CCBE1: variants seen among roughly 807,000 people sequenced by gnomAD.
The protein encoded by CCBE1 is collagen and calcium-binding EGF domain-containing protein 1.
In CCBE1, 37 loss-of-function variants were observed where a neutral mutation model predicts 50.0. That is an observed-to-expected ratio of 0.74 (90% CI 0.57 to 0.97). CCBE1 has a LOEUF of 0.97. CCBE1 is among the 50% of genes least tolerant of loss of function. The pLI, the probability that CCBE1 is intolerant of heterozygous loss-of-function variation, is 0.00. For missense variants in CCBE1, 538 were observed against 523.8 expected (o/e 1.03, Z -0.26); for synonymous variants, 234 against 203.7 (o/e 1.15, Z -1.27).
At chr18:59,616,980 G>C (rs145755876) in intron 2 of CCBE1, among the ~76,000 whole-genome samples, 1 of 152,114 alleles carries the variant, frequency 6.6e-6, no homozygotes. Flanking sequence ...ATGAGCCACC[G>C]ACTCTCAGCC....
At position 59,479,195 on chromosome 18, in the gene CCBE1, A is replaced by G. The variant is rs547896968; in HGVS notation, c.265+991T>C. Among the ~76,000 whole-genome samples, 9 of 152,290 alleles carry G rather than the reference A, an allele frequency of 5.9e-5. No homozygotes were observed. The South Asian group carries it at 1.5e-3, about 25-fold the overall frequency. Reference sequence around the variant, plus strand: ...CCCACCCACCTCACCCTAGCCCTGAACAAGCTTAACCTCATGCCCTTCAAA... The same window carrying G: ...CCCACCCACCTCACCCTAGCCCTGAGCAAGCTTAACCTCATGCCCTTCAAA... On this transcript the variant is annotated intron_variant, in intron 3 of 10. Coordinates refer to ENST00000439986, the MANE Select transcript of CCBE1 (RefSeq NM_133459.4).
At chr18:59,461,729 CTTTTTTT>C (rs36013463) in intron 5 of CCBE1, among the ~76,000 whole-genome samples, 1 of 109,338 alleles carries the variant, frequency 9.1e-6, no homozygotes, top group Non-Finnish European at 1.7e-5. Context: ...CAGGTGTAAT[CTTTTTTT>C]TTTTTTTTTT....
intron 5 of CCBE1, among the ~76,000 whole-genome samples, chr18:59,455,821 C>T (rs1911166413): frequency 1.3e-5 from 2 of 152,182 alleles, no homozygotes; most frequent in African/African-American, 2.4e-5. Context: ...TTTGTTCAGG[C>T]AGGCAGGACA....
intron 2 of CCBE1, among the ~76,000 whole-genome samples, chr18:59,546,876 G>A (rs1259831802): frequency 1.3e-5 from 2 of 152,014 alleles, no homozygotes; most frequent in Non-Finnish European, 2.9e-5. Context: ...CCAATCTGTG[G>A]AGCTTGGCCA....
intron 2 of CCBE1, among the ~76,000 whole-genome samples, chr18:59,635,637 A>G (rs1434479452): frequency 1.3e-5 from 2 of 152,218 alleles, no homozygotes; most frequent in African/African-American, 4.8e-5. Context: ...ATTTGTGAAC[A>G]ATAGACATGA....
At chr18:59,531,825 C>G (rs1915063756) in intron 2 of CCBE1, among the ~76,000 whole-genome samples, 1 of 152,122 alleles carries the variant, frequency 6.6e-6, no homozygotes, top group African/African-American at 2.4e-5. Flanking sequence ...TAAGTGCTTT[C>G]TAGAATCTAC....
At chr18:59,602,707 T>G (rs746404966) in intron 2 of CCBE1, among the ~76,000 whole-genome samples, 1 of 152,122 alleles carries the variant, frequency 6.6e-6, no homozygotes, top group Non-Finnish European at 1.5e-5. Flanking sequence ...CCTTGAGGCA[T>G]GAGTAGGACT....
intron 2 of CCBE1, among the ~76,000 whole-genome samples, chr18:59,695,631 C>T (rs2054794792): frequency 6.6e-6 from 1 of 152,216 alleles, no homozygotes; most frequent in Non-Finnish European, 1.5e-5. Flanking sequence ...CTCTCACCTG[C>T]AAGAAACGCT....
intron 2 of CCBE1, among the ~76,000 whole-genome samples, chr18:59,622,985 CAA>C (rs1188848403): frequency 2.0e-5 from 3 of 151,954 alleles, no homozygotes; most frequent in Non-Finnish European, 2.9e-5. Flanking sequence ...CATACAGTGA[CAA>C]GAGTGAAAAC....
intron 2 of CCBE1, among the ~76,000 whole-genome samples, chr18:59,506,999 G>A (rs1007658003): frequency 2.0e-5 from 3 of 151,962 alleles, no homozygotes; most frequent in African/African-American, 7.3e-5. Flanking sequence ...CTGTCTCCAT[G>A]CTCAGCCTTC....
chr18:59,587,759 C>A (rs1472567660), intron 2 of CCBE1, among the ~76,000 whole-genome samples: 1 of 152,150 alleles, frequency 6.6e-6, no homozygotes, highest in Non-Finnish European at 1.5e-5. Flanking sequence ...ATCTTAATCA[C>A]AGATAAGATT....
intron 2 of CCBE1, among the ~76,000 whole-genome samples, chr18:59,565,699 GCCCTGTGCAAAAACCCAGA>G (rs1232547495): frequency 6.6e-6 from 1 of 151,988 alleles, no homozygotes; most frequent in Non-Finnish European, 1.5e-5. Flanking sequence ...TAAGCATCAG[GCCCTGTGCAAAAACCCAGA>G]CCCTGTAGCT....
intron 2 of CCBE1, among the ~76,000 whole-genome samples, chr18:59,582,123 T>C (rs1036076488): frequency 1.3e-5 from 2 of 152,324 alleles, no homozygotes; most frequent in South Asian, 4.1e-4. Context: ...AGGGTGCTCC[T>C]GTACCCTCCG....
chr18:59,473,147 C>T (rs1424150056), intron 3 of CCBE1, among the ~76,000 whole-genome samples: 1 of 152,174 alleles, frequency 6.6e-6, no homozygotes, highest in Non-Finnish European at 1.5e-5. Context: ...TCTCCATTGG[C>T]TTCCTGAAAA....
chr18:59,532,479 T>C (rs188163443), intron 2 of CCBE1, among the ~76,000 whole-genome samples: 14 of 152,326 alleles, frequency 9.2e-5, no homozygotes, highest in African/African-American at 2.9e-4. Context: ...TTGCTTCACC[T>C]ACAAGGCCGC....
Position 59,677,580 on chromosome 18 carries a change from A to G in CCBE1, c.212+19049T>C, listed in dbSNP as rs142631984. 7.4e-3 allele frequency among the ~76,000 whole-genome samples: 1,125 copies of G among 152,322 alleles called. 7 individuals carry two copies. The highest frequency in any genetic ancestry group is 0.024 in the African/African-American group (979 of 41,570). On this transcript the variant is annotated intron_variant, in intron 2 of 10. Coordinates refer to ENST00000439986, the MANE Select transcript of CCBE1 (RefSeq NM_133459.4). ...AGGAATAAATCAGGAAAGAGGAAAA[A>G]TGTGAGATCCAGGAAACCCAGAATT...
chr18:59,617,940 T>C (rs1025991045), intron 2 of CCBE1, among the ~76,000 whole-genome samples: 1 of 152,180 alleles, frequency 6.6e-6, no homozygotes, highest in Admixed American at 6.5e-5. Flanking sequence ...AGAAATTCCA[T>C]ACATTGACAG....
At chr18:59,658,329 A>T (rs113647641) in intron 2 of CCBE1, among the ~76,000 whole-genome samples, 243 of 16,952 alleles carry the variant, frequency 0.014, 30 homozygotes, top group Non-Finnish European at 0.019. Context: ...TCTAAAAAAA[A>T]AAAAAAAAAA....
intron 2 of CCBE1, among the ~76,000 whole-genome samples, chr18:59,590,442 C>T (rs143719415): frequency 0.018 from 2,703 of 152,230 alleles, 35 homozygotes; most frequent in Middle Eastern, 0.031. Context: ...ATCAGTTCTC[C>T]TTAATTTATA....
Sources: allele counts gnomAD v4.1 joint callset (sites outside exome capture counted in the v4.1 genomes callset), GRCh38; gene constraint gnomAD v4.1.1; transcripts MANE v1.5; gene names NCBI Gene and HGNC (gene_info 2026-07-23, HGNC 2026-07-21).